STRN: variants seen among roughly 807,000 people sequenced by gnomAD.
STRN encodes the protein striatin.
In STRN, 53 loss-of-function variants were observed where a neutral mutation model predicts 96.3. The observed-to-expected ratio is 0.55, with a 90% confidence interval of 0.44 to 0.69. The LOEUF is 0.69. STRN is among the 30% of genes least tolerant of loss of function. The pLI is 0.00. For synonymous variants in STRN, 428 were observed against 355.9 expected, an observed-to-expected ratio of 1.20 and a Z score of -2.28; for missense variants, 987 against 963.9, an observed-to-expected ratio of 1.02 and a Z score of -0.32.
intron 4 of STRN, among the ~76,000 whole-genome samples, chr2:36,904,623 T>G (rs1458635480): frequency 6.6e-6 from 1 of 152,140 alleles, no homozygotes; most frequent in African/African-American, 2.4e-5. Context: ...AGTCAGGAGT[T>G]CGAGATCAGC....
chr2:36,939,254 T>C (rs959515076), intron 1 of STRN, among the ~76,000 whole-genome samples: 1 of 151,730 alleles, frequency 6.6e-6, no homozygotes, highest in Non-Finnish European at 1.5e-5. Flanking sequence ...AATCAAGCTA[T>C]TGCGTGGGAT....
intron 1 of STRN, among the ~76,000 whole-genome samples, chr2:36,943,051 GATT>G (rs2148256138): frequency 6.6e-6 from 1 of 151,968 alleles, no homozygotes; most frequent in South Asian, 2.1e-4. Flanking sequence ...CTTCTTTGAT[GATT>G]ATTAATAATA....
At chr2:36,862,959 A>G (rs1668530747) in intron 12 of STRN, among the ~76,000 whole-genome samples, 4 of 152,004 alleles carry the variant, frequency 2.6e-5, no homozygotes, top group Admixed American at 2.6e-4. Flanking sequence ...TCCTGACCTC[A>G]TGATCCGCCC....
At chr2:36,905,436 A>C in intron 4 of STRN, 104 bp downstream of exon 4, 1 of 993,082 alleles carries the variant, frequency 1.0e-6, no homozygotes, top group Non-Finnish European at 1.6e-6. Context: ...CAGCATCTGT[A>C]TGAGATAAAA....
At chr2:36,928,308 G>A (rs1422357470) in intron 1 of STRN, among the ~76,000 whole-genome samples, 4 of 151,554 alleles carry the variant, frequency 2.6e-5, no homozygotes, top group Admixed American at 6.6e-5. Context: ...CATAAAAGAC[G>A]AAAACAGCAA....
rs1670865443 is a variant in STRN, at chr2:36,942,300, T to C, written c.235-17092A>G. Among the ~76,000 whole-genome samples, 2 of 152,182 alleles carry C rather than the reference T, an allele frequency of 1.3e-5. 1 individual carries two copies. The highest frequency in any genetic ancestry group is 4.1e-4 in the South Asian group (2 of 4,834). On this transcript the variant is annotated intron_variant, in intron 1 of 17. Transcript: ENST00000263918. Reference sequence around the variant, plus strand: ...AGAAAGAAAAAACCTAGTTTTTTTATGTCATTGCTAAGCCACTGCACCAGT... The same window carrying C: ...AGAAAGAAAAAACCTAGTTTTTTTACGTCATTGCTAAGCCACTGCACCAGT...
At chr2:36,889,101 A>G (rs1229689331) in intron 7 of STRN, among the ~76,000 whole-genome samples, 1 of 152,168 alleles carries the variant, frequency 6.6e-6, no homozygotes, top group African/African-American at 2.4e-5. Flanking sequence ...CTTCTGACAT[A>G]CTATATCCTC....
At chr2:36,954,756 G>C (rs1444094523) in intron 1 of STRN, among the ~76,000 whole-genome samples, 1 of 151,592 alleles carries the variant, frequency 6.6e-6, no homozygotes, top group Non-Finnish European at 1.5e-5. Flanking sequence ...CCCTGCCTCA[G>C]CCTCCCAAAT....
At chr2:36,940,245 A>G (rs1185183915) in intron 1 of STRN, among the ~76,000 whole-genome samples, 1 of 152,224 alleles carries the variant, frequency 6.6e-6, no homozygotes, top group Non-Finnish European at 1.5e-5. Context: ...TAGAAGAAAT[A>G]TAAGAGAAAT....
chr2:36,861,114 C>G lies in STRN; in HGVS notation c.1669+18G>C. 1.9e-6 allele frequency: 3 copies of G among 1,611,390 alleles called. No homozygotes were observed. Among genetic ancestry groups the G allele is most frequent in the Non-Finnish European group, 2.5e-6 (3 of 1,179,292 alleles). ...AAAAACCAATTTTATTCCTTCAGAT[C>G]TTTGGGAAATCACCTACCATAAGAA... On this transcript the variant is annotated intron_variant, in intron 13 of 17. Coordinates refer to ENST00000263918, the MANE Select transcript of STRN (RefSeq NM_003162.4).
At chr2:36,947,626 C>T (rs891576094) in intron 1 of STRN, among the ~76,000 whole-genome samples, 4 of 149,858 alleles carry the variant, frequency 2.7e-5, no homozygotes, top group East Asian at 1.9e-4. Context: ...CAATGTAGAA[C>T]TGTGTTCTAC....
intron 1 of STRN, among the ~76,000 whole-genome samples, chr2:36,927,677 T>A (rs764475945): frequency 2.6e-5 from 4 of 151,964 alleles, no homozygotes; most frequent in Admixed American, 2.6e-4. Context: ...ATTAAAAATA[T>A]AAAAAATAAA....
intron 1 of STRN, among the ~76,000 whole-genome samples, chr2:36,957,100 G>A (rs2148276122): frequency 6.6e-6 from 1 of 152,234 alleles, no homozygotes; most frequent in East Asian, 1.9e-4. Context: ...AGGACTCAAG[G>A]AGCAAAAATC....
Position 36,866,730 on chromosome 2 carries a change from T to C in STRN, c.1547+1084A>G, listed in dbSNP as rs188923911. Among the ~76,000 whole-genome samples, 24 of 152,324 alleles carry C rather than the reference T, an allele frequency of 1.6e-4. No individual in the cohort carries two copies. In the East Asian group the frequency reaches 4.4e-3, roughly 28 times the overall value. On this transcript the variant is annotated intron_variant, in intron 12 of 17. Coordinates refer to ENST00000263918, the MANE Select transcript of STRN (RefSeq NM_003162.4). ...CTCCTATGTTGGGTAAATATATATG[T>C]AAGATAGTTAAGAATTTTCTTGAAT... is the stretch of plus-strand genomic sequence containing the variant.
intron 12 of STRN, among the ~76,000 whole-genome samples, chr2:36,866,129 C>A (rs749196681): frequency 6.6e-6 from 1 of 152,024 alleles, no homozygotes; most frequent in African/African-American, 2.4e-5. Flanking sequence ...GGCTGGTGTG[C>A]AGTGGCATGA....
At chr2:36,899,880 GCCTA>G (rs537759446) in intron 5 of STRN, among the ~76,000 whole-genome samples, 2 of 151,946 alleles carry the variant, frequency 1.3e-5, no homozygotes, top group South Asian at 2.1e-4. Context: ...CTACTTGCCT[GCCTA>G]CCTACCTACC....
intron 1 of STRN, among the ~76,000 whole-genome samples, chr2:36,948,757 C>T (rs1051869913): frequency 6.6e-6 from 1 of 152,060 alleles, no homozygotes; most frequent in Non-Finnish European, 1.5e-5. Flanking sequence ...TGCCAAATGA[C>T]AAAACAAGTA....
At chr2:36,913,441 C>CTAAA (rs1240453663) in intron 3 of STRN, among the ~76,000 whole-genome samples, 1 of 152,160 alleles carries the variant, frequency 6.6e-6, no homozygotes, top group Non-Finnish European at 1.5e-5. Context: ...AACAAATAGT[C>CTAAA]AGTTTACTTG....
rs1393716625 is a variant in STRN at position 36,966,330 on chromosome 2, G to A, written c.134C>T (p.Ala45Val). The A allele has an allele frequency of 1.3e-6, 2 of 1,488,306 alleles. No individual in the cohort carries two copies. The highest frequency in any genetic ancestry group is 1.5e-5 in the African/African-American group (1 of 68,496). 92.2% of individuals were successfully genotyped at this position (1,488,306 alleles called of 1,614,324 possible). ...DGAAAAGAAR[A>V]QYSLPGILHF... ...CAGGATCCCCGGGAGACTGTACTGG[G>A]CTCGGGCCGCCCCCGCCGCAGCCGC... The change falls in exon 1 of 18, where the codon GCC (alanine) becomes GTC (valine). Residue 45 changes from alanine (A) to valine (V), a missense_variant. Physicochemically the swap from Ala to Val is moderately conservative, Grantham distance 64. Coordinates refer to ENST00000263918, the MANE Select transcript of STRN (RefSeq NM_003162.4).
Sources: allele counts gnomAD v4.1 joint callset (sites outside exome capture counted in the v4.1 genomes callset), GRCh38; gene constraint gnomAD v4.1.1; transcripts MANE v1.5; gene names NCBI Gene and HGNC (gene_info 2026-07-23, HGNC 2026-07-21).